The following HS6ST3 variants were observed in gnomAD, a reference collection of about 807,000 sequenced individuals.
HS6ST3 encodes heparan-sulfate 6-O-sulfotransferase 3.
A neutral mutation model predicts 36.7 loss-of-function variants in HS6ST3; 12 were observed. The observed-to-expected ratio is 0.33, with a 90% CI of 0.21 to 0.53. The LOEUF (loss-of-function observed/expected upper bound fraction) is 0.53, where lower values mean the gene tolerates loss of function less well. Ranked by LOEUF, HS6ST3 falls within the 20% of genes least tolerant of loss-of-function variation. The probability of loss-of-function intolerance (pLI) is 0.95; values close to 1 mark genes in which losing one functional copy is unlikely to be tolerated. For missense variants in HS6ST3, 584 were observed against 640.9 expected (o/e 0.91, Z 0.96); for synonymous variants, 240 against 257.5 (o/e 0.93, Z 0.65).
At chr13:96,303,475 GT>G (rs1418532309) in intron 1 of HS6ST3, among the ~76,000 whole-genome samples, 12 of 152,270 alleles carry the variant, frequency 7.9e-5, no homozygotes, top group African/African-American at 2.9e-4. Flanking sequence ...AAAGTGAAAT[GT>G]TACATTCATT....
chr13:96,341,756 G>A (rs189926803), intron 1 of HS6ST3, among the ~76,000 whole-genome samples: 48 of 152,268 alleles, frequency 3.2e-4, no homozygotes, highest in Admixed American at 1.7e-3. Context: ...AGGAAATTGG[G>A]TAAAAATTCT....
intron 1 of HS6ST3, among the ~76,000 whole-genome samples, chr13:96,735,725 T>C (rs1433589112): frequency 6.6e-6 from 1 of 152,156 alleles, no homozygotes; most frequent in Non-Finnish European, 1.5e-5. Context: ...TCAGTACAAG[T>C]GGAGCTAAGA....
intron 1 of HS6ST3, among the ~76,000 whole-genome samples, chr13:96,524,574 G>A (rs930338950): frequency 2.0e-5 from 3 of 152,220 alleles, no homozygotes; most frequent in African/African-American, 7.2e-5. Flanking sequence ...GTCTGCTCAA[G>A]CCTCAGCAAT....
intron 1 of HS6ST3, among the ~76,000 whole-genome samples, chr13:96,402,810 C>T (rs2055458299): frequency 6.6e-6 from 1 of 152,156 alleles, no homozygotes; most frequent in African/African-American, 2.4e-5. Flanking sequence ...TTTATCCATT[C>T]TCCTGTTGAT....
intron 1 of HS6ST3, among the ~76,000 whole-genome samples, chr13:96,344,775 T>TG (rs2055145873): frequency 6.6e-6 from 1 of 152,190 alleles, no homozygotes; most frequent in African/African-American, 2.4e-5. Flanking sequence ...ACAATGTTGT[T>TG]GTTCAGGAAT....
intron 1 of HS6ST3, among the ~76,000 whole-genome samples, chr13:96,142,417 G>A (rs1271451160): frequency 6.6e-6 from 1 of 152,104 alleles, no homozygotes; most frequent in Non-Finnish European, 1.5e-5. Context: ...TTGCATCCAA[G>A]ATCCAATATT....
At chr13:96,606,992 G>A (rs1050008781) in intron 1 of HS6ST3, among the ~76,000 whole-genome samples, 8 of 152,082 alleles carry the variant, frequency 5.3e-5, no homozygotes, top group African/African-American at 1.9e-4. Context: ...ATATATGATA[G>A]TAGGAGTCCC....
chr13:96,090,879 A>G lies in HS6ST3; in HGVS notation c.17A>G (p.Asn6Ser). MDERFNKWLLTPVLTL... is the reference protein window; with the variant it reads MDERFSKWLLTPVLTL... ...AGCGGGACCATGGATGAAAGGTTCA[A>G]CAAGTGGCTGCTGACGCCGGTGCTC... The change falls in exon 1 of 2, where the codon AAC becomes AGC. Residue 6 changes from asparagine to serine, a missense_variant. This residue lies in a region of HS6ST3 where 217 missense variants were observed against 205.4 expected (regional missense o/e 1.06). Coordinates refer to ENST00000376705, the MANE Select transcript of HS6ST3 (RefSeq NM_153456.4). 5 of 1,513,038 alleles carry G rather than the reference A, an allele frequency of 3.3e-6. No individual in the cohort carries two copies. Among genetic ancestry groups the G allele is most frequent in the Middle Eastern group, 1.8e-4 (1 of 5,674 alleles). The allele number at this position is 1,513,038 out of a possible 1,614,324, so 93.7% of individuals were successfully genotyped here. A position where few individuals can be genotyped will look rare whatever the true frequency, so the allele number is the denominator to read the frequency against.
At chr13:96,418,135 T>C (rs1327148237) in intron 1 of HS6ST3, among the ~76,000 whole-genome samples, 1 of 152,024 alleles carries the variant, frequency 6.6e-6, no homozygotes, top group Non-Finnish European at 1.5e-5. Flanking sequence ...CCATTTTAGA[T>C]AGTGAAATCA....
At chr13:96,394,875 A>G (rs1253011496) in intron 1 of HS6ST3, among the ~76,000 whole-genome samples, 1 of 152,246 alleles carries the variant, frequency 6.6e-6, no homozygotes, top group Non-Finnish European at 1.5e-5. Context: ...GCAAATACTT[A>G]GAATCATTTA....
At chr13:96,256,124 C>T (rs888175037) in intron 1 of HS6ST3, among the ~76,000 whole-genome samples, 1 of 152,142 alleles carries the variant, frequency 6.6e-6, no homozygotes, top group East Asian at 1.9e-4. Flanking sequence ...CAAATACTTA[C>T]ACAAATGTTA....
chr13:96,411,836 T>G (rs2055508941), intron 1 of HS6ST3, among the ~76,000 whole-genome samples: 1 of 151,970 alleles, frequency 6.6e-6, no homozygotes, highest in Admixed American at 6.6e-5. Flanking sequence ...AAATGATAGA[T>G]GAATAGGGGG....
At chr13:96,214,592 T>A (rs1472234673) in intron 1 of HS6ST3, among the ~76,000 whole-genome samples, 1 of 152,228 alleles carries the variant, frequency 6.6e-6, no homozygotes, top group African/African-American at 2.4e-5. Context: ...TTTTAATTTT[T>A]AATTTTTATG....
At chr13:96,368,536 T>A (rs1225974951) in intron 1 of HS6ST3, among the ~76,000 whole-genome samples, 1 of 151,990 alleles carries the variant, frequency 6.6e-6, no homozygotes, top group Non-Finnish European at 1.5e-5. Flanking sequence ...AATTTTCTTC[T>A]TCATTTTGAA....
chr13:96,262,367 G>C (rs2054670620), intron 1 of HS6ST3, among the ~76,000 whole-genome samples: 1 of 152,164 alleles, frequency 6.6e-6, no homozygotes, highest in Admixed American at 6.5e-5. Flanking sequence ...AAGTGGGAAA[G>C]TCTGAAATCC....
chr13:96,412,998 C>T (rs1452062990), intron 1 of HS6ST3, among the ~76,000 whole-genome samples: 2 of 151,996 alleles, frequency 1.3e-5, no homozygotes, highest in Non-Finnish European at 2.9e-5. Flanking sequence ...TTTCTCAAAT[C>T]CCCTTCTTCC....
chr13:96,461,568 TA>T (rs2055784414), intron 1 of HS6ST3, among the ~76,000 whole-genome samples: 1 of 152,214 alleles, frequency 6.6e-6, no homozygotes, highest in Non-Finnish European at 1.5e-5. Flanking sequence ...AAATATATTT[TA>T]AAAATCTTTT....
intron 1 of HS6ST3, among the ~76,000 whole-genome samples, chr13:96,786,037 G>C (rs1877639160): frequency 6.6e-6 from 1 of 152,040 alleles, no homozygotes; most frequent in Admixed American, 6.6e-5. Flanking sequence ...CCATAACCTA[G>C]GGGGCTCTAC....
rs143602547 is a variant in HS6ST3 at position 96,477,924 on chromosome 13, G to A, written c.708-354566G>A. Among the ~76,000 whole-genome samples, 406 of 151,916 alleles carry A rather than the reference G, an allele frequency of 2.7e-3. 1 individual carries two copies. The highest frequency in any genetic ancestry group is 9.5e-3 in the African/African-American group (393 of 41,464). ...TAATATATTGTATTACCAATTTGCTGCATACTCCACACATACACACAAAAA... is the reference window on the plus strand; with the variant it reads ...TAATATATTGTATTACCAATTTGCTACATACTCCACACATACACACAAAAA... On this transcript the variant is annotated intron_variant, in intron 1 of 1. Coordinates refer to ENST00000376705, the MANE Select transcript of HS6ST3 (RefSeq NM_153456.4).
Sources: gnomAD v4.1 joint callset for allele counts (sites outside exome capture counted in the v4.1 genomes callset) on GRCh38, gnomAD v4.1.1 for gene constraint, gnomAD v4.1.1 regional missense constraint, MANE v1.5 for transcripts, NCBI Gene and HGNC (gene_info 2026-07-23, HGNC 2026-07-21) for gene names.